The following CPNE2 variants were observed in gnomAD, a reference collection of about 807,000 sequenced individuals.
CPNE2 encodes copine-2.
Under a neutral mutation model 69.7 loss-of-function variants are expected in CPNE2, and 42 were observed. The ratio of observed to expected loss-of-function variants is 0.60; its 90% CI spans 0.47 to 0.78. The LOEUF is 0.78. CPNE2 is among the 30% of genes least tolerant of loss of function. CPNE2 has a pLI of 0.00. For synonymous variants in CPNE2, 294 were observed against 289.8 expected, an observed-to-expected ratio of 1.01 and a Z score of -0.15; for missense variants, 587 against 732.0, an observed-to-expected ratio of 0.80 and a Z score of 2.29.
At chr16:57,121,841 G>C (rs2069764825) in intron 9 of CPNE2, 81 bp downstream of exon 9, 2 of 1,328,092 alleles carry the variant, frequency 1.5e-6, no homozygotes, top group Non-Finnish European at 2.2e-6. Flanking sequence ...TGGATCTGGA[G>C]CCAGCGAGGC....
At chr16:57,140,306 G>C (rs1010635623) in intron 14 of CPNE2, among the ~76,000 whole-genome samples, 1 of 152,070 alleles carries the variant, frequency 6.6e-6, no homozygotes, top group Non-Finnish European at 1.5e-5. Context: ...AAGTAGCTGG[G>C]ATTACAGGTG....
rs147199019 is a variant in CPNE2, at chr16:57,146,282, C to T, written c.1500C>T (p.Arg500=). 1.7e-4 allele frequency: 264 copies of T among 1,555,234 alleles called. No individual in the cohort carries two copies. The highest frequency in any genetic ancestry group is 1.7e-3 in the African/African-American group (123 of 73,374). The change falls in exon 15 of 16, where the codon CGC becomes CGT. Residue 500 remains arginine (R), a synonymous_variant. Transcript: ENST00000290776. The surrounding 1 kb of genome is among the most constrained non-coding windows in gnomAD (Gnocchi z 4.4). ...CCCACACGGGGGAGGAGGCAGCCCGCGATATTGTGCAGTTCGTTCCCTTTC... is the reference window on the plus strand; with the variant it reads ...CCCACACGGGGGAGGAGGCAGCCCGTGATATTGTGCAGTTCGTTCCCTTTC... ...LRSHTGEEAA[R]DIVQFVPFRE... is the part of the protein sequence containing the mutation.
intron 1 of CPNE2, among the ~76,000 whole-genome samples, chr16:57,095,620 A>T (rs776744025): frequency 7.2e-5 from 11 of 152,112 alleles, no homozygotes; most frequent in Non-Finnish European, 1.6e-4. Context: ...TCACAGGTGC[A>T]CACCTAGCTA....
intron 1 of CPNE2, among the ~76,000 whole-genome samples, chr16:57,107,207 A>G (rs34565888): frequency 0.017 from 2,530 of 151,896 alleles, 87 homozygotes; most frequent in East Asian, 0.16. Context: ...GAGTGAACGC[A>G]GTTCACCAGC....
chr16:57,101,400 C>CA (rs2069612725), intron 1 of CPNE2, among the ~76,000 whole-genome samples: 1 of 152,184 alleles, frequency 6.6e-6, no homozygotes, highest in Non-Finnish European at 1.5e-5. Flanking sequence ...TCCAACCCCC[C>CA]AAAAGTTCAG....
At chr16:57,123,562 C>T in intron 10 of CPNE2, 89 bp downstream of exon 10, 1 of 1,404,032 alleles carries the variant, frequency 7.1e-7, no homozygotes, top group Non-Finnish European at 1.0e-6. Context: ...GCCAGAGGGA[C>T]TTAGGGTAGA....
intron 14 of CPNE2, chr16:57,143,685 G>C (rs1200640539): frequency 1.3e-5 from 2 of 152,406 alleles, no homozygotes; most frequent in Non-Finnish European, 1.5e-5. Flanking sequence ...TCACTGTGTG[G>C]TATCACCTCC....
chr16:57,110,362 C>G (rs1432041334), intron 1 of CPNE2, among the ~76,000 whole-genome samples: 1 of 151,736 alleles, frequency 6.6e-6, no homozygotes, highest in Admixed American at 6.6e-5. Context: ...GTAGCTGGGA[C>G]CACAGGCACG....
At chr16:57,123,895 C>T in intron 10 of CPNE2, 1 of 207,018 alleles carries the variant, frequency 4.8e-6, no homozygotes, top group Admixed American at 5.3e-5. Flanking sequence ...TTTGCATTTG[C>T]TGTTCCTTCT....
intron 10 of CPNE2, chr16:57,124,460 C>G (rs1367166717): frequency 6.8e-6 from 3 of 442,162 alleles, no homozygotes; most frequent in Non-Finnish European, 1.4e-5. Flanking sequence ...ATCGTCGCAC[C>G]CACTGGAATG....
intron 9 of CPNE2, among the ~76,000 whole-genome samples, chr16:57,122,903 CT>C (rs1376419274): frequency 9.9e-6 from 1 of 101,012 alleles, no homozygotes; most frequent in Non-Finnish European, 2.0e-5. Flanking sequence ...TGTTTCTTTT[CT>C]CTTTTTTTTT....
intron 9 of CPNE2, 38 bp downstream of exon 9, chr16:57,121,798 T>A: frequency 6.3e-7 from 1 of 1,585,704 alleles, no homozygotes; most frequent in Non-Finnish European, 8.7e-7. Flanking sequence ...AGGGGCCAGG[T>A]TTCAGGCCAC....
intron 1 of CPNE2, among the ~76,000 whole-genome samples, chr16:57,099,752 C>T (rs2069601276): frequency 6.6e-6 from 1 of 151,410 alleles, no homozygotes; most frequent in South Asian, 2.1e-4. Context: ...CAGGCATCCG[C>T]CACCATGTCC....
At chr16:57,111,659 G>A (rs1053634620) in intron 2 of CPNE2, among the ~76,000 whole-genome samples, 1 of 152,194 alleles carries the variant, frequency 6.6e-6, no homozygotes, top group Non-Finnish European at 1.5e-5. Context: ...CCTTAAGCAA[G>A]TAGCTGTCCC....
At chr16:57,124,951 T>C (rs527690489) in intron 10 of CPNE2, 1 of 268,826 alleles carries the variant, frequency 3.7e-6, no homozygotes, top group Non-Finnish European at 7.6e-6. Context: ...CTAGGCTGTG[T>C]CCCTGCAGCG....
At chr16:57,104,295 G>C (rs78782443) in intron 1 of CPNE2, among the ~76,000 whole-genome samples, 6,620 of 152,306 alleles carry the variant, frequency 0.043, 262 homozygotes, top group East Asian at 0.2. Context: ...AGAGGTCACA[G>C]AGCAGTTAAA....
Position 57,147,642 on chromosome 16 carries a change from A to ACT in CPNE2, c.1633_1634dup (p.Glu546ArgfsTer119). On this transcript the variant is annotated frameshift_variant, in exon 16 of 16. Transcript: ENST00000290776. LOFTEE classifies it high-confidence loss of function. ...AAGCATAAAAACCTGCCCCCCACCA[A>ACT]CTCGGAGCCCGCCTGAGCTCCAGTG... 6.3e-7 allele frequency: 1 copy of ACT among 1,599,314 alleles called. No homozygotes were observed. The highest frequency in any genetic ancestry group is 8.5e-7 in the Non-Finnish European group (1 of 1,170,200).
intron 12 of CPNE2, 65 bp downstream of exon 12, chr16:57,127,968 G>C: frequency 6.5e-7 from 1 of 1,534,246 alleles, no homozygotes; most frequent in Non-Finnish European, 9.0e-7. Context: ...GCCTCTCGGG[G>C]ATCAGCTCTG....
At chr16:57,122,926 A>G (rs2069773721) in intron 9 of CPNE2, among the ~76,000 whole-genome samples, 1 of 151,032 alleles carries the variant, frequency 6.6e-6, no homozygotes, top group African/African-American at 2.4e-5. Context: ...TTTTTAACTT[A>G]AATACATTTA....
Sources: gnomAD v4.1 joint callset for allele counts (sites outside exome capture counted in the v4.1 genomes callset) on GRCh38, gnomAD v4.1.1 for gene constraint, Gnocchi (gnomAD v3.1) non-coding constraint, MANE v1.5 for transcripts, NCBI Gene and HGNC (gene_info 2026-07-23, HGNC 2026-07-21) for gene names.